Variants in KCNN2 observed in about 807,000 individuals in gnomAD.
The protein encoded by KCNN2 is small conductance calcium-activated potassium channel protein 2.
KCNN2 carries 24 observed loss-of-function variants against 55.5 expected under a neutral mutation model. That is an observed-to-expected ratio of 0.43 (90% CI 0.31 to 0.61). KCNN2 has a LOEUF of 0.61. Ranked by LOEUF, KCNN2 falls within the 20% of genes least tolerant of loss-of-function variation. KCNN2 has a pLI of 0.08. For synonymous variants in KCNN2, 431 were observed against 336.1 expected (o/e 1.28, Z -3.09); for missense variants, 754 against 853.6 (o/e 0.88, Z 1.45).
At chr5:114,255,886 A>G (rs1754972997) in intron 2 of KCNN2, among the ~76,000 whole-genome samples, 1 of 152,112 alleles carries the variant, frequency 6.6e-6, no homozygotes, top group Non-Finnish European at 1.5e-5. Context: ...TTAGGGTACA[A>G]TTACAGTTTT....
chr5:114,484,265 C>T (rs1762355761), intron 5 of KCNN2, among the ~76,000 whole-genome samples: 1 of 152,014 alleles, frequency 6.6e-6, no homozygotes, highest in Non-Finnish European at 1.5e-5. Flanking sequence ...TGTTACATAA[C>T]TAGATGGTTA....
At chr5:114,455,518 C>A (rs561362813) in intron 3 of KCNN2, among the ~76,000 whole-genome samples, 23 of 152,274 alleles carry the variant, frequency 1.5e-4, no homozygotes, top group Non-Finnish European at 2.8e-4. Flanking sequence ...TTAAATGAGG[C>A]CAACTAATGA....
intron 2 of KCNN2, among the ~76,000 whole-genome samples, chr5:114,310,122 T>A (rs758411091): frequency 6.6e-6 from 1 of 152,212 alleles, no homozygotes; most frequent in Non-Finnish European, 1.5e-5. Flanking sequence ...TACAAATTCA[T>A]ATTCTCTTCA....
intron 2 of KCNN2, among the ~76,000 whole-genome samples, chr5:114,286,240 T>A (rs1180923294): frequency 6.6e-6 from 1 of 152,098 alleles, no homozygotes; most frequent in Non-Finnish European, 1.5e-5. Flanking sequence ...GAGCCACCAA[T>A]GCAGCTAAAA....
At chr5:114,296,726 G>A (rs1250546435) in intron 2 of KCNN2, among the ~76,000 whole-genome samples, 2 of 152,140 alleles carry the variant, frequency 1.3e-5, no homozygotes, top group Non-Finnish European at 2.9e-5. Context: ...ACTAGAAAGG[G>A]CATTTAAAAG....
Position 114,363,042 on chromosome 5 carries a change from C to G in KCNN2, c.903C>G (p.Ser301Arg). The change falls in exon 1 of 8, where the codon AGC becomes AGG. Residue 301 changes from serine to arginine, a missense_variant. Physicochemically the swap from Ser to Arg is moderately radical, Grantham distance 110 (BLOSUM62 -1). Coordinates refer to ENST00000673685, the MANE Select transcript of KCNN2 (RefSeq NM_021614.4). ...LALYGTGGGG[S>R]TGGGGGGGGS... is the part of the protein sequence containing the mutation. The stretch of plus-strand genomic sequence containing the variant: ...TCTATGGAACCGGCGGCGGAGGCAG[C>G]ACTGGAGGAGGCGGCGGCGGTGGCG... 1 of 1,606,376 alleles carries G rather than the reference C, an allele frequency of 6.2e-7. No homozygotes were observed. Among genetic ancestry groups the G allele is most frequent in the Non-Finnish European group, 8.5e-7 (1 of 1,178,202 alleles).
chr5:114,116,928 A>G (rs548982781), intron 1 of KCNN2, among the ~76,000 whole-genome samples: 8 of 152,208 alleles, frequency 5.3e-5, no homozygotes, highest in Non-Finnish European at 1.2e-4. Context: ...TGCTTCCATG[A>G]GTATAAAAAG....
intron 4 of KCNN2, among the ~76,000 whole-genome samples, chr5:114,469,813 TA>T: frequency 6.6e-6 from 1 of 152,250 alleles, no homozygotes; most frequent in Middle Eastern, 3.4e-3. Flanking sequence ...TGCATAACTC[TA>T]AAAATTAAAA....
intron 3 of KCNN2, among the ~76,000 whole-genome samples, chr5:114,457,150 C>T (rs955468890): frequency 1.3e-5 from 2 of 152,152 alleles, no homozygotes; most frequent in Non-Finnish European, 2.9e-5. Context: ...ATGTGGCAAA[C>T]TTCATTGCTG....
chr5:114,495,896 C>A lies in KCNN2; in HGVS notation c.2090C>A (p.Thr697Asn), dbSNP rs1215878579. The A allele has an allele frequency of 1.9e-6, 3 of 1,611,724 alleles. No homozygotes were observed. In the South Asian group the frequency reaches 3.3e-5, roughly 18 times the overall value. The change falls in exon 8 of 8, where the codon ACC becomes AAC. Residue 697 changes from threonine to asparagine, a missense_variant and splice_region_variant. By Grantham distance (65) the Thr-to-Asn change is moderately conservative. This residue lies in a region of KCNN2 where 164 missense variants were observed against 156.6 expected (regional missense o/e 1.05). Coordinates refer to ENST00000673685, the MANE Select transcript of KCNN2 (RefSeq NM_021614.4). ...CTTCTTCTCAATCCTGTTTTTCAGA[C>A]CCAGAACATCATGTATGATATGATT... ...QANTLVDLAK[T>N]QNIMYDMISD...
At chr5:114,483,531 C>G (rs937355957) in intron 5 of KCNN2, among the ~76,000 whole-genome samples, 2 of 152,216 alleles carry the variant, frequency 1.3e-5, no homozygotes, top group Non-Finnish European at 1.5e-5. Context: ...TCATCTCGGC[C>G]TCCCAAAGTG....
At position 114,285,259 on chromosome 5, in the gene KCNN2, G is replaced by A. The variant is rs562476126; in HGVS notation, c.-185+63694G>A. On this transcript the variant is annotated intron_variant, in intron 2 of 10. Coordinates refer to the KCNN2 transcript ENST00000512097. The stretch of plus-strand genomic sequence containing the variant: ...AGATCATGCCACTGCACTCCAGCCT[G>A]GTGACACAGCGAGACTCCATCTCCA... 2.9e-5 allele frequency among the ~76,000 whole-genome samples: 4 copies of A among 138,118 alleles called. No individual in the cohort carries two copies. The East Asian group carries it at 8.9e-4, about 31-fold the overall frequency. The allele number at this position is 138,118 out of a possible 152,430, so 90.6% of individuals were successfully genotyped here.
rs1418530130 is a variant in KCNN2 at position 114,164,704 on chromosome 5, G to T, written c.-270-56776G>T. Reference sequence around the variant, plus strand: ...ACCTGAGATTGCAAATGCGCATTTTGGATGTACATATTTAAATTTAGTAAT... The same window carrying T: ...ACCTGAGATTGCAAATGCGCATTTTTGATGTACATATTTAAATTTAGTAAT... On this transcript the variant is annotated intron_variant, in intron 1 of 10. Coordinates refer to the KCNN2 transcript ENST00000512097. Among the ~76,000 whole-genome samples the T allele has an allele frequency of 2.0e-5, 3 of 152,150 alleles. No individual in the cohort carries two copies. In the South Asian group the frequency reaches 6.2e-4, roughly 32 times the overall value.
chr5:114,098,396 G>A (rs1751306405), intron 1 of KCNN2, among the ~76,000 whole-genome samples: 2 of 151,954 alleles, frequency 1.3e-5, no homozygotes. Context: ...GAACCAGGCT[G>A]CATGGCAAAA....
intron 1 of KCNN2, among the ~76,000 whole-genome samples, chr5:114,140,220 T>G (rs902622390): frequency 1.3e-5 from 2 of 152,240 alleles, no homozygotes; most frequent in Non-Finnish European, 2.9e-5. Flanking sequence ...TTTAAAATTG[T>G]GAAGAGATCT....
intron 3 of KCNN2, among the ~76,000 whole-genome samples, chr5:114,439,049 G>T (rs1436500725): frequency 2.0e-5 from 3 of 152,132 alleles, no homozygotes; most frequent in South Asian, 4.1e-4. Flanking sequence ...AAAATGTACA[G>T]TACATAAAAA....
chr5:114,317,090 C>G (rs1358073845), intron 2 of KCNN2, among the ~76,000 whole-genome samples: 1 of 152,130 alleles, frequency 6.6e-6, no homozygotes, highest in Non-Finnish European at 1.5e-5. Flanking sequence ...TCCTTCATCT[C>G]TCTTCCTAGT....
At chr5:114,437,713 A>G (rs1263929058) in intron 3 of KCNN2, among the ~76,000 whole-genome samples, 1 of 152,136 alleles carries the variant, frequency 6.6e-6, no homozygotes, top group Non-Finnish European at 1.5e-5. Flanking sequence ...AAGAACCAAC[A>G]TTTTTGTAGG....
At chr5:114,430,335 T>C (rs1194537387) in intron 3 of KCNN2, among the ~76,000 whole-genome samples, 3 of 152,132 alleles carry the variant, frequency 2.0e-5, no homozygotes, top group Non-Finnish European at 4.4e-5. Context: ...TTGTACATAC[T>C]TTGTTAGATG....
Sources: gnomAD v4.1 joint callset for allele counts (sites outside exome capture counted in the v4.1 genomes callset) on GRCh38, gnomAD v4.1.1 for gene constraint, gnomAD v4.1.1 regional missense constraint, MANE v1.5 for transcripts, NCBI Gene and HGNC (gene_info 2026-07-23, HGNC 2026-07-21) for gene names.